The following MCPH1 variants were observed in gnomAD, a reference collection of about 807,000 sequenced individuals.
MCPH1 encodes microcephalin 1, also known as microcephalin.
A neutral mutation model predicts 84.5 loss-of-function variants in MCPH1; 104 were observed. The observed-to-expected ratio is 1.23, with a 90% CI of 1.05 to 1.45. The LOEUF (loss-of-function observed/expected upper bound fraction) is 1.45, where lower values mean the gene tolerates loss of function less well. Among genes scored for constraint, MCPH1 ranks in the 40% most tolerant of loss-of-function variants. The probability of loss-of-function intolerance (pLI) is 0.00; values close to 1 mark genes in which losing one functional copy is unlikely to be tolerated. For synonymous variants in MCPH1, 514 were observed against 366.8 expected (o/e 1.40, Z -4.58); for missense variants, 1,498 against 1,005.7 (o/e 1.49, Z -6.62).
chr8:6,473,365 C>G (rs1305081808), intron 9 of MCPH1, among the ~76,000 whole-genome samples: 1 of 105,552 alleles, frequency 9.5e-6, no homozygotes, highest in Non-Finnish European at 1.7e-5. Flanking sequence ...GAGTCGGGCT[C>G]TGTTGCCCAG....
intron 11 of MCPH1, among the ~76,000 whole-genome samples, chr8:6,498,355 A>G (rs761659833): frequency 3.9e-5 from 6 of 152,228 alleles, no homozygotes; most frequent in Non-Finnish European, 7.3e-5. Context: ...CAATGAAACT[A>G]CTAGAGCAAA....
chr8:6,644,688 C>T lies in MCPH1; in HGVS notation c.*1639C>T, dbSNP rs1302896163. Reference sequence around the variant, plus strand: ...ACGAGATGCTGAGTCCCAGCGAGGTCGGAGGTGCCACTGAGCCCTCATCGT... The same window carrying T: ...ACGAGATGCTGAGTCCCAGCGAGGTTGGAGGTGCCACTGAGCCCTCATCGT... On this transcript the variant is annotated 3_prime_UTR_variant, in exon 14 of 14. Coordinates refer to ENST00000344683, the MANE Select transcript of MCPH1 (RefSeq NM_024596.5). 4 of 152,188 alleles carry T rather than the reference C, an allele frequency of 2.6e-5. No individual in the cohort carries two copies. Among genetic ancestry groups the T allele is most frequent in the East Asian group, 1.9e-4 (1 of 5,198 alleles). 9.4% of individuals were successfully genotyped at this position (152,188 alleles called of 1,614,324 possible). A position where few individuals can be genotyped will look rare whatever the true frequency, so the allele number is the denominator to read the frequency against.
At chr8:6,520,146 C>A (rs1348684038) in intron 12 of MCPH1, 3 of 780,904 alleles carry the variant, frequency 3.8e-6, no homozygotes, top group African/African-American at 3.5e-5. Context: ...AGAAAGTTTC[C>A]TTTCAGCCTG....
At chr8:6,642,568 C>A (rs554633458) in intron 13 of MCPH1, 1 of 289,336 alleles carries the variant, frequency 3.5e-6, no homozygotes, top group South Asian at 3.8e-5. Context: ...CTACCTCTCA[C>A]CACTGGTGTC....
chr8:6,561,411 A>T (rs766182514), intron 12 of MCPH1, among the ~76,000 whole-genome samples: 1 of 152,242 alleles, frequency 6.6e-6, no homozygotes, highest in Non-Finnish European at 1.5e-5. Context: ...TCAAATAATA[A>T]CTTAGTCGTT....
intron 13 of MCPH1, among the ~76,000 whole-genome samples, chr8:6,637,890 A>G (rs1439379647): frequency 6.6e-6 from 1 of 152,186 alleles, no homozygotes; most frequent in Non-Finnish European, 1.5e-5. Context: ...TATTTTAAAT[A>G]TACATTTCAG....
At chr8:6,479,974 A>T (rs1000951278) in intron 10 of MCPH1, among the ~76,000 whole-genome samples, 1 of 152,128 alleles carries the variant, frequency 6.6e-6, no homozygotes, top group Non-Finnish European at 1.5e-5. Context: ...TACTCAATAA[A>T]TATTACATTT....
At position 6,445,210 on chromosome 8, in the gene MCPH1, G is replaced by C. The variant is rs780411854; in HGVS notation, c.1488G>C (p.Ser496=). 6.2e-7 allele frequency: 1 copy of C among 1,614,244 alleles called. No individual in the cohort carries two copies. The highest frequency in any genetic ancestry group is 8.5e-7 in the Non-Finnish European group (1 of 1,180,050). Residue 496 remains serine, a synonymous_variant, in exon 8 of 14, where the codon TCG becomes TCC. Coordinates refer to ENST00000344683, the MANE Select transcript of MCPH1 (RefSeq NM_024596.5). ...GAAATGGTGAAGGCCGTGCAACTTC[G>C]AGTTGCGTGACTTCTGCCCCTGAAG... ...KTGNGEGRAT[S]SCVTSAPEEA... is the part of the protein sequence containing the mutation.
intron 11 of MCPH1, among the ~76,000 whole-genome samples, chr8:6,484,466 C>G (rs913119418): frequency 6.6e-6 from 1 of 152,252 alleles, no homozygotes; most frequent in Non-Finnish European, 1.5e-5. Context: ...CTTTGAGAAA[C>G]AGTTTGACAG....
At position 6,457,864 on chromosome 8, in the gene MCPH1, C is replaced by G. The variant is rs117915384; in HGVS notation, c.1935+2612C>G. On this transcript the variant is annotated intron_variant, in intron 9 of 13. Transcript: ENST00000344683. ...AGCCTTTGCTTGAATGAATCAAAAA[C>G]TCCTAATGCCCTAGGGTAGTGCTTC... Among the ~76,000 whole-genome samples the G allele has an allele frequency of 1.2e-3, 183 of 152,264 alleles. 3 individuals carry two copies. In the East Asian group the frequency reaches 0.029, roughly 25 times the overall value.
At chr8:6,450,740 G>GT (rs1563228824) in intron 8 of MCPH1, among the ~76,000 whole-genome samples, 2 of 151,926 alleles carry the variant, frequency 1.3e-5, no homozygotes, top group Non-Finnish European at 2.9e-5. Context: ...AGGAGTTGGG[G>GT]TTTTTTGTTG....
At chr8:6,609,563 A>C (rs890614993) in intron 12 of MCPH1, among the ~76,000 whole-genome samples, 5 of 152,236 alleles carry the variant, frequency 3.3e-5, no homozygotes, top group Non-Finnish European at 5.9e-5. Flanking sequence ...AGGGGGAAAA[A>C]ATACATTCCG....
chr8:6,618,318 GAAA>G (rs1490693331), intron 12 of MCPH1, among the ~76,000 whole-genome samples: 1 of 152,242 alleles, frequency 6.6e-6, no homozygotes, highest in African/African-American at 2.4e-5. Flanking sequence ...CAGTGTGGGG[GAAA>G]TGGTGCTTTA....
chr8:6,617,943 C>CTATCTATCTATA (rs1182170639), intron 12 of MCPH1, among the ~76,000 whole-genome samples: 1 of 151,888 alleles, frequency 6.6e-6, no homozygotes, highest in Non-Finnish European at 1.5e-5. Context: ...ATCTATCTAT[C>CTATCTATCTATA]TTTCTATCTA....
rs1194640832 is a variant in MCPH1 at position 6,532,591 on chromosome 8, A to AAAT, written c.2214+32663_2214+32664insATA. The AAAT allele has an allele frequency of 3.5e-6, 3 of 847,254 alleles. No individual in the cohort carries two copies. In the Admixed American group the frequency reaches 1.1e-4, roughly 32 times the overall value. The allele number at this position is 847,254 out of a possible 1,614,324, so 52.5% of individuals were successfully genotyped here. ...CCTATCTTTAAAAAAAAAAAAAAAA[A>AAAT]ATCTATCAAAAGACTTGTACCTTGC... On this transcript the variant is annotated intron_variant, in intron 12 of 13. Transcript: ENST00000344683.
intron 12 of MCPH1, among the ~76,000 whole-genome samples, chr8:6,592,215 T>A (rs1663452122): frequency 6.6e-6 from 1 of 152,036 alleles, no homozygotes; most frequent in Non-Finnish European, 1.5e-5. Context: ...TGCAATGGGG[T>A]GATCCTGGCT....
intron 12 of MCPH1, chr8:6,562,826 G>T (rs1825762620): frequency 1.2e-6 from 2 of 1,613,626 alleles, no homozygotes; most frequent in African/African-American, 2.7e-5. Flanking sequence ...GACCCATGCT[G>T]GACCTGATAT....
chr8:6,602,907 A>T (rs1167345189), intron 12 of MCPH1, among the ~76,000 whole-genome samples: 1 of 151,760 alleles, frequency 6.6e-6, no homozygotes, highest in Non-Finnish European at 1.5e-5. Context: ...AAAATAGAAA[A>T]TATATATATA....
At chr8:6,476,242 A>G (rs1808436317) in intron 9 of MCPH1, among the ~76,000 whole-genome samples, 1 of 152,104 alleles carries the variant, frequency 6.6e-6, no homozygotes, top group Non-Finnish European at 1.5e-5. Flanking sequence ...CAGCCTGGCC[A>G]ACATGGTGGA....
Sources: gnomAD v4.1 joint callset for allele counts (sites outside exome capture counted in the v4.1 genomes callset) on GRCh38, gnomAD v4.1.1 for gene constraint, MANE v1.5 for transcripts, NCBI Gene and HGNC (gene_info 2026-07-23, HGNC 2026-07-21) for gene names.